The following TMEM135 variants were observed in gnomAD, a reference collection of about 807,000 sequenced individuals.
The protein encoded by TMEM135 is transmembrane protein 135.
Under a neutral mutation model 60.3 loss-of-function variants are expected in TMEM135, and 30 were observed. That is an observed-to-expected ratio of 0.50 (90% CI 0.37 to 0.68). The LOEUF (loss-of-function observed/expected upper bound fraction) is 0.68, where lower values mean the gene tolerates loss of function less well. Among genes scored for constraint, TMEM135 ranks in the 30% least tolerant of loss-of-function variants. The probability of loss-of-function intolerance (pLI) is 0.00; values close to 1 mark genes in which losing one functional copy is unlikely to be tolerated. For missense variants in TMEM135, 468 were observed against 548.8 expected (o/e 0.85, Z 1.47); for synonymous variants, 190 against 186.7 (o/e 1.02, Z -0.14).
intron 4 of TMEM135, among the ~76,000 whole-genome samples, chr11:87,131,884 C>T (rs1044050353): frequency 1.3e-5 from 2 of 152,118 alleles, no homozygotes; most frequent in African/African-American, 4.8e-5. Context: ...GCCGCCTGAG[C>T]TCTGCCTCCT....
chr11:87,297,985 C>T (rs866865112), intron 7 of TMEM135, among the ~76,000 whole-genome samples: 1 of 152,034 alleles, frequency 6.6e-6, no homozygotes, highest in South Asian at 2.1e-4. Flanking sequence ...TTACTAAAAG[C>T]CAAATATATT....
chr11:87,239,134 G>A (rs1941073379), intron 6 of TMEM135, among the ~76,000 whole-genome samples: 1 of 151,906 alleles, frequency 6.6e-6, no homozygotes, highest in South Asian at 2.1e-4. Context: ...GCAGAGCTAC[G>A]GAACCTTTTC....
At chr11:87,247,825 C>T (rs11535833) in intron 6 of TMEM135, among the ~76,000 whole-genome samples, 16,419 of 152,058 alleles carry the variant, frequency 0.11, 1,599 homozygotes, top group African/African-American at 0.26. Context: ...GGCAATGCCT[C>T]GCCCTGCTTC....
At chr11:87,151,291 A>T (rs7950416) in intron 4 of TMEM135, among the ~76,000 whole-genome samples, 9,519 of 152,050 alleles carry the variant, frequency 0.063, 391 homozygotes, top group South Asian at 0.12. Flanking sequence ...TTTATTTGGA[A>T]TTTTTTTACT....
chr11:87,258,121 TTATA>T (rs1457127236), intron 6 of TMEM135, among the ~76,000 whole-genome samples: 1 of 151,932 alleles, frequency 6.6e-6, no homozygotes, highest in Non-Finnish European at 1.5e-5. Flanking sequence ...ATATATTTGA[TTATA>T]TATTGATATT....
At position 87,295,762 on chromosome 11, in the gene TMEM135, G is replaced by T. The variant is rs544634941; in HGVS notation, c.510-20G>T. On this transcript the variant is annotated intron_variant, in intron 6 of 14. Transcript: ENST00000305494. ...TCTCAAAATATGTTATTTTATGATT[G>T]TAAATTCTTATTGTTTTAGGTGCAA... The T allele has an allele frequency of 1.9e-6, 3 of 1,588,578 alleles. No homozygotes were observed. The highest frequency in any genetic ancestry group is 1.1e-5 in the South Asian group (1 of 87,002).
chr11:87,130,699 G>T (rs1268340870), intron 4 of TMEM135, among the ~76,000 whole-genome samples: 1 of 152,006 alleles, frequency 6.6e-6, no homozygotes, highest in South Asian at 2.1e-4. Context: ...ACTGGGTCTT[G>T]ATAAGTTGCC....
chr11:87,233,797 G>A lies in TMEM135; in HGVS notation c.463-2841G>A, dbSNP rs532974177. ...AAGATACAGCTAGCTCAGTGAGTAT[G>A]GGCATATCACTTACCTTTTCAGGAT... On this transcript the variant is annotated intron_variant, in intron 5 of 14. Coordinates refer to ENST00000305494, the MANE Select transcript of TMEM135 (RefSeq NM_022918.4). 3.3e-5 allele frequency among the ~76,000 whole-genome samples: 5 copies of A among 152,090 alleles called. No homozygotes were observed. In the East Asian group the frequency reaches 9.7e-4, roughly 29 times the overall value.
chr11:87,202,676 T>C (rs1423755652), intron 5 of TMEM135, among the ~76,000 whole-genome samples: 1 of 151,572 alleles, frequency 6.6e-6, no homozygotes, highest in South Asian at 2.1e-4. Flanking sequence ...TAAATAACGA[T>C]TGACATTTGT....
At chr11:87,069,407 G>C (rs1545600) in intron 2 of TMEM135, among the ~76,000 whole-genome samples, 7 of 151,756 alleles carry the variant, frequency 4.6e-5, no homozygotes, top group Non-Finnish European at 7.4e-5. Context: ...GTTTGGTTAA[G>C]TTGTAGAAGC....
intron 4 of TMEM135, among the ~76,000 whole-genome samples, chr11:87,091,818 A>G (rs1400206308): frequency 1.3e-5 from 2 of 152,102 alleles, no homozygotes; most frequent in Non-Finnish European, 2.9e-5. Flanking sequence ...CATTGGTACT[A>G]TCTCCAAACA....
At chr11:87,092,535 T>A (rs1022698212) in intron 4 of TMEM135, among the ~76,000 whole-genome samples, 4 of 152,144 alleles carry the variant, frequency 2.6e-5, no homozygotes, top group Non-Finnish European at 5.9e-5. Context: ...TTTAAAATAC[T>A]CCAGAAAATT....
At chr11:87,065,774 C>T (rs1856639515) in intron 1 of TMEM135, among the ~76,000 whole-genome samples, 1 of 152,074 alleles carries the variant, frequency 6.6e-6, no homozygotes, top group Non-Finnish European at 1.5e-5. Context: ...TCCATTTTTT[C>T]CCCCTAGAAA....
intron 8 of TMEM135, among the ~76,000 whole-genome samples, chr11:87,303,014 C>G (rs995772222): frequency 3.3e-5 from 5 of 150,940 alleles, no homozygotes; most frequent in African/African-American, 7.3e-5. Context: ...CCAATAAAAT[C>G]TTGGTAGTGA....
At position 87,190,990 on chromosome 11, in the gene TMEM135, A is replaced by G. The variant is rs552167063; in HGVS notation, c.462+33584A>G. 2.9e-4 allele frequency among the ~76,000 whole-genome samples: 44 copies of G among 152,238 alleles called. 2 individuals carry two copies. In the South Asian group the frequency reaches 9.1e-3, roughly 32 times the overall value. On this transcript the variant is annotated intron_variant, in intron 5 of 14. Coordinates refer to ENST00000305494, the MANE Select transcript of TMEM135 (RefSeq NM_022918.4). ...GTTTTATTCTTCATTATTCCATACT[A>G]TAGTTTACTAATTTGCAACATAGGT...
At chr11:87,168,931 G>A (rs1939146932) in intron 5 of TMEM135, among the ~76,000 whole-genome samples, 1 of 152,114 alleles carries the variant, frequency 6.6e-6, no homozygotes, top group Non-Finnish European at 1.5e-5. Context: ...TTGTGTGGGA[G>A]TCTAAGTCTC....
chr11:87,326,732 A>T lies in TMEM135; in HGVS notation c.*5399A>T, dbSNP rs1226760678. 2.2e-6 allele frequency: 1 copy of T among 446,906 alleles called. No homozygotes were observed. The highest frequency in any genetic ancestry group is 1.6e-5 in the South Asian group (1 of 62,192). The allele number at this position is 446,906 out of a possible 1,614,324, so 27.7% of individuals were successfully genotyped here. A position where few individuals can be genotyped will look rare whatever the true frequency, so the allele number is the denominator to read the frequency against. ...TTATTTTTCTATTTATTTCAGGGAAAATTGAAGGTAAATAATATCTGCAAA... is the reference window on the plus strand; with the variant it reads ...TTATTTTTCTATTTATTTCAGGGAATATTGAAGGTAAATAATATCTGCAAA... On this transcript the variant is annotated 3_prime_UTR_variant, in exon 15 of 15. Coordinates refer to ENST00000305494, the MANE Select transcript of TMEM135 (RefSeq NM_022918.4).
chr11:87,196,374 C>T (rs1454136404), intron 5 of TMEM135, among the ~76,000 whole-genome samples: 1 of 151,764 alleles, frequency 6.6e-6, no homozygotes, highest in Non-Finnish European at 1.5e-5. Flanking sequence ...TCATTTAACA[C>T]ATTTTAAAAA....
At chr11:87,054,668 G>A (rs1949875260) in intron 1 of TMEM135, among the ~76,000 whole-genome samples, 4 of 152,152 alleles carry the variant, frequency 2.6e-5, no homozygotes, top group Admixed American at 2.6e-4. Context: ...GATCTTGGGG[G>A]TTTGGATTGT....
Sources: allele counts gnomAD v4.1 joint callset (sites outside exome capture counted in the v4.1 genomes callset), GRCh38; gene constraint gnomAD v4.1.1; transcripts MANE v1.5; gene names NCBI Gene and HGNC (gene_info 2026-07-23, HGNC 2026-07-21).